TCF7L2: variants seen among roughly 807,000 people sequenced by gnomAD.
TCF7L2 encodes the protein transcription factor 7-like 2.
Under a neutral mutation model 77.9 loss-of-function variants are expected in TCF7L2, and 23 were observed. That is an observed-to-expected ratio of 0.30 (90% CI 0.21 to 0.42). The LOEUF (loss-of-function observed/expected upper bound fraction) is 0.42. TCF7L2 is among the 10% of genes least tolerant of loss of function. The probability of loss-of-function intolerance (pLI) is 1.00; values close to 1 mark genes in which losing one functional copy is unlikely to be tolerated. For missense variants in TCF7L2, 654 were observed against 793.1 expected (o/e 0.82, Z 2.11); for synonymous variants, 413 against 340.2 (o/e 1.21, Z -2.36).
Position 113,166,053 on chromosome 10 carries a change from GGTTTT to G in TCF7L2, c.*89_*93del. 2 of 1,356,778 alleles carry G rather than the reference GGTTTT, an allele frequency of 1.5e-6. No individual in the cohort carries two copies. Among genetic ancestry groups the G allele is most frequent in the South Asian group, 2.0e-5 (1 of 50,186 alleles). The allele number at this position is 1,356,778 out of a possible 1,614,324, so 84.0% of individuals were successfully genotyped here. ...TTTGCCCCCCACCCCCACCTTGAAA[GGTTTT>G]GTTTTGTACTCTCTTAATTTTGTGC... On this transcript the variant is annotated 3_prime_UTR_variant, in exon 14 of 14. Transcript: ENST00000627217.
intron 5 of TCF7L2, among the ~76,000 whole-genome samples, chr10:113,048,211 C>T (rs1042463294): frequency 6.6e-6 from 1 of 152,172 alleles, no homozygotes; most frequent in African/African-American, 2.4e-5. Context: ...TGTGCGCCTA[C>T]TTAGAGCTAC....
At chr10:113,086,761 G>GAA (rs869063686) in intron 5 of TCF7L2, among the ~76,000 whole-genome samples, 2 of 96,312 alleles carry the variant, frequency 2.1e-5, no homozygotes, top group African/African-American at 4.8e-5. Flanking sequence ...GACTCAAAAG[G>GAA]AAAAAAAAAA....
At chr10:112,976,315 G>T (rs542815846) in intron 4 of TCF7L2, among the ~76,000 whole-genome samples, 2 of 152,322 alleles carry the variant, frequency 1.3e-5, no homozygotes, top group South Asian at 4.1e-4. Flanking sequence ...TTCCTGTCAA[G>T]AGCATCACAC....
At chr10:113,095,835 C>G (rs2060899929) in intron 5 of TCF7L2, among the ~76,000 whole-genome samples, 1 of 152,228 alleles carries the variant, frequency 6.6e-6, no homozygotes, top group Admixed American at 6.5e-5. Context: ...TCAGTGAGCC[C>G]ACTTGACACC....
At chr10:113,161,268 A>G in intron 13 of TCF7L2, 1 of 422,190 alleles carries the variant, frequency 2.4e-6, no homozygotes. Flanking sequence ...ATTGAACGGC[A>G]TGCACCAGCT....
chr10:112,970,770 G>C (rs947235954), intron 4 of TCF7L2, among the ~76,000 whole-genome samples: 2 of 152,154 alleles, frequency 1.3e-5, no homozygotes, highest in Admixed American at 6.5e-5. Flanking sequence ...TGGCCTTCTT[G>C]TTTTCATGAG....
chr10:113,125,736 G>A (rs970205861), intron 5 of TCF7L2: 1 of 152,202 alleles, frequency 6.6e-6, no homozygotes, highest in Non-Finnish European at 1.5e-5. Context: ...ATTTGTGCTG[G>A]TTTGCTGAGC....
intron 5 of TCF7L2, among the ~76,000 whole-genome samples, chr10:113,050,772 CA>C (rs1322872863): frequency 2.0e-5 from 3 of 152,168 alleles, no homozygotes; most frequent in Admixed American, 6.5e-5. Flanking sequence ...TGACAGAGGC[CA>C]TCTCCATTTT....
In TCF7L2 at chr10:113,001,228, G is replaced by A. The variant is rs140980402; in HGVS notation, c.450+36604G>A. Among the ~76,000 whole-genome samples, 566 of 152,296 alleles carry A rather than the reference G, an allele frequency of 3.7e-3. 3 individuals are homozygous for A. Among genetic ancestry groups the A allele is most frequent in the South Asian group, 0.018 (86 of 4,828 alleles). On this transcript the variant is annotated intron_variant, in intron 4 of 13. Transcript: ENST00000627217. ...GAAAGCAGGGCCTGAAACTTTTATCGTCACTGCTGCAGGTGAAAGACTTTC... is the reference window on the plus strand; with the variant it reads ...GAAAGCAGGGCCTGAAACTTTTATCATCACTGCTGCAGGTGAAAGACTTTC...
chr10:113,082,153 C>G (rs1380440479), intron 5 of TCF7L2, among the ~76,000 whole-genome samples: 1 of 146,194 alleles, frequency 6.8e-6, no homozygotes, highest in South Asian at 2.1e-4. Flanking sequence ...TTTTTGCGTG[C>G]CTTGGTTAAT....
intron 4 of TCF7L2, 90 bp downstream of exon 4, chr10:112,964,714 A>C (rs11196171): frequency 1.1e-6 from 1 of 949,420 alleles, no homozygotes; most frequent in Non-Finnish European, 1.6e-6. Context: ...CAACTGAGAT[A>C]ATGATGATGA....
intron 4 of TCF7L2, among the ~76,000 whole-genome samples, chr10:113,027,809 A>G (rs2049464813): frequency 6.6e-6 from 1 of 150,682 alleles, no homozygotes; most frequent in Non-Finnish European, 1.5e-5. Flanking sequence ...CCAGCCCCAC[A>G]TGTCATGCCG....
intron 5 of TCF7L2, among the ~76,000 whole-genome samples, chr10:113,070,115 G>T (rs1226549993): frequency 6.6e-6 from 1 of 151,894 alleles, no homozygotes; most frequent in Non-Finnish European, 1.5e-5. Flanking sequence ...AATCAGCTGA[G>T]TGTGGTGGCA....
At chr10:113,125,719 C>A (rs996718765) in intron 5 of TCF7L2, 3 of 152,082 alleles carry the variant, frequency 2.0e-5, no homozygotes, top group Admixed American at 1.3e-4. Flanking sequence ...CGCAAGGTGG[C>A]AAGATAATTT....
intron 4 of TCF7L2, among the ~76,000 whole-genome samples, chr10:112,992,335 G>A (rs1035992225): frequency 1.4e-4 from 22 of 152,130 alleles, no homozygotes; most frequent in African/African-American, 4.1e-4. Flanking sequence ...CGCCACCCTC[G>A]CCTCCGCCCC....
At chr10:113,109,759 C>G (rs749491020) in intron 5 of TCF7L2, among the ~76,000 whole-genome samples, 15 of 152,310 alleles carry the variant, frequency 9.8e-5, no homozygotes, top group Middle Eastern at 3.4e-3. Flanking sequence ...ATCTGGTGTT[C>G]AAGAGTTAGA....
intron 8 of TCF7L2, among the ~76,000 whole-genome samples, chr10:113,149,536 TA>T (rs1378892841): frequency 6.6e-6 from 1 of 152,008 alleles, no homozygotes; most frequent in East Asian, 1.9e-4. Context: ...GTTAGTACTT[TA>T]ATCATTTTAT....
chr10:113,149,060 A>G (rs2070155130), intron 8 of TCF7L2, among the ~76,000 whole-genome samples: 1 of 152,128 alleles, frequency 6.6e-6, no homozygotes, highest in Non-Finnish European at 1.5e-5. Context: ...GAACATATGT[A>G]TTTGAGGAAT....
At chr10:113,129,293 A>T in intron 5 of TCF7L2, 1 of 985,996 alleles carries the variant, frequency 1.0e-6, no homozygotes, top group Non-Finnish European at 1.2e-6. Flanking sequence ...TGCCTCCTGC[A>T]CTCGGTTGAT....
Sources: gnomAD v4.1 joint callset for allele counts (sites outside exome capture counted in the v4.1 genomes callset) on GRCh38, gnomAD v4.1.1 for gene constraint, MANE v1.5 for transcripts, NCBI Gene and HGNC (gene_info 2026-07-23, HGNC 2026-07-21) for gene names.